The following SDK1 variants were observed in gnomAD, a reference collection of about 807,000 sequenced individuals.
SDK1 encodes the protein protein sidekick-1.
A neutral mutation model predicts 245.5 loss-of-function variants in SDK1; 157 were observed. That is an observed-to-expected ratio of 0.64 (90% CI 0.56 to 0.73). The LOEUF (loss-of-function observed/expected upper bound fraction) is 0.73, where lower values mean the gene tolerates loss of function less well. Ranked by LOEUF, SDK1 falls within the 30% of genes least tolerant of loss-of-function variation. SDK1 has a pLI of 0.00. For missense variants in SDK1, 3,583 were observed against 3,002.3 expected (o/e 1.19, Z -4.52); for synonymous variants, 1,647 against 1,278.5 (o/e 1.29, Z -6.15).
chr7:3,547,619 C>T (rs914754088), intron 1 of SDK1, among the ~76,000 whole-genome samples: 1 of 152,216 alleles, frequency 6.6e-6, no homozygotes, highest in Non-Finnish European at 1.5e-5. Context: ...TTGGAAATCC[C>T]TGACCTAGTC....
intron 1 of SDK1, among the ~76,000 whole-genome samples, chr7:3,362,813 A>G (rs1780989102): frequency 6.6e-6 from 1 of 152,204 alleles, no homozygotes. Context: ...ATAGTTTTCC[A>G]TGCGTGTGTG....
intron 28 of SDK1, among the ~76,000 whole-genome samples, chr7:4,135,516 A>T (rs1779015351): frequency 6.6e-6 from 1 of 152,252 alleles, no homozygotes; most frequent in Non-Finnish European, 1.5e-5. Context: ...AGATGGCACG[A>T]ACCTTGGGGC....
chr7:3,992,065 A>G (rs937428389), intron 14 of SDK1, among the ~76,000 whole-genome samples: 1 of 152,162 alleles, frequency 6.6e-6, no homozygotes, highest in Non-Finnish European at 1.5e-5. Flanking sequence ...TACTTGGGAG[A>G]CACTCCACAG....
At chr7:3,357,511 G>C (rs1780837041) in intron 1 of SDK1, among the ~76,000 whole-genome samples, 1 of 151,050 alleles carries the variant, frequency 6.6e-6, no homozygotes, top group African/African-American at 2.4e-5. Flanking sequence ...CACGATACCT[G>C]GCTTAATTTT....
chr7:3,465,596 A>C (rs1780974552), intron 1 of SDK1, among the ~76,000 whole-genome samples: 2 of 152,186 alleles, frequency 1.3e-5, no homozygotes, highest in South Asian at 4.2e-4. Context: ...GGTGGGATCA[A>C]GTCCCCTGTG....
At position 3,912,727 on chromosome 7, in the gene SDK1, C is replaced by T. The variant is rs182071902; in HGVS notation, c.848-38196C>T. ...CATTCTCCTCTGGCAGAGACCGGCA[C>T]GGTCTGGCCCGTGGGGGCTCAAGAC... is the stretch of plus-strand genomic sequence containing the variant. On this transcript the variant is annotated intron_variant, in intron 5 of 44. Coordinates refer to ENST00000404826, the MANE Select transcript of SDK1 (RefSeq NM_152744.4). Among the ~76,000 whole-genome samples, 14 of 152,340 alleles carry T rather than the reference C, an allele frequency of 9.2e-5. 1 individual carries two copies. The highest frequency in any genetic ancestry group is 3.4e-3 in the Middle Eastern group (1 of 294).
intron 29 of SDK1, 136 bp downstream of exon 29, chr7:4,146,052 C>T (rs531838228): frequency 4.1e-6 from 3 of 738,920 alleles, no homozygotes; most frequent in Admixed American, 3.0e-5. Context: ...TGAGCATTTA[C>T]AAAGCACCCA....
At chr7:3,582,562 G>C (rs1402904318) in intron 1 of SDK1, among the ~76,000 whole-genome samples, 2 of 151,142 alleles carry the variant, frequency 1.3e-5, no homozygotes, top group Non-Finnish European at 2.9e-5. Context: ...GAAATGATAA[G>C]AAAATTAACT....
At chr7:3,570,271 ATTAG>A (rs1323286487) in intron 1 of SDK1, among the ~76,000 whole-genome samples, 1 of 152,182 alleles carries the variant, frequency 6.6e-6, no homozygotes, top group East Asian at 1.9e-4. Flanking sequence ...ATCATCAGGC[ATTAG>A]TTAGATTCTC....
At chr7:3,907,432 G>A (rs548310521) in intron 5 of SDK1, among the ~76,000 whole-genome samples, 94 of 152,246 alleles carry the variant, frequency 6.2e-4, no homozygotes, top group African/African-American at 2.2e-3. Flanking sequence ...CTACATTGTA[G>A]CATGTGTCAA....
chr7:3,330,029 C>G (rs924393615), intron 1 of SDK1, among the ~76,000 whole-genome samples: 2 of 152,164 alleles, frequency 1.3e-5, no homozygotes, highest in African/African-American at 4.8e-5. Context: ...GATGTCTATA[C>G]TTCATTCCTT....
At chr7:3,514,895 T>C (rs572820331) in intron 1 of SDK1, among the ~76,000 whole-genome samples, 12 of 152,306 alleles carry the variant, frequency 7.9e-5, no homozygotes, top group South Asian at 2.1e-4. Context: ...CTCTCTCTCT[T>C]TCTCTCTTTC....
At chr7:4,133,570 C>G (rs115854363) in intron 28 of SDK1, among the ~76,000 whole-genome samples, 1,979 of 152,256 alleles carry the variant, frequency 0.013, 33 homozygotes, top group African/African-American at 0.045. Context: ...TAGGTGGCTT[C>G]TAAAGCCTTG....
chr7:3,901,186 T>C (rs1333568878), intron 5 of SDK1, among the ~76,000 whole-genome samples: 2 of 152,076 alleles, frequency 1.3e-5, no homozygotes, highest in East Asian at 1.9e-4. Context: ...GTCTTTTTTT[T>C]TCTTTTTTCT....
intron 1 of SDK1, among the ~76,000 whole-genome samples, chr7:3,357,494 T>G (rs1207112428): frequency 2.0e-5 from 3 of 151,442 alleles, no homozygotes; most frequent in Non-Finnish European, 2.9e-5. Flanking sequence ...GGGTTTCAGG[T>G]GCATGCCACG....
chr7:3,972,339 A>T (rs750432322), intron 12 of SDK1, among the ~76,000 whole-genome samples: 1 of 152,112 alleles, frequency 6.6e-6, no homozygotes, highest in Non-Finnish European at 1.5e-5. Flanking sequence ...TCGGCCTCCC[A>T]AAGTGCTGGG....
chr7:3,322,896 A>G (rs544092342), intron 1 of SDK1, among the ~76,000 whole-genome samples: 3 of 151,880 alleles, frequency 2.0e-5, no homozygotes, highest in East Asian at 3.9e-4. Context: ...TACAGCGTCT[A>G]CCTCCCAGGT....
At position 4,267,497 on chromosome 7, in the gene SDK1, G is replaced by T; in HGVS notation, c.*2113G>T. On this transcript the variant is annotated 3_prime_UTR_variant, in exon 45 of 45. Coordinates refer to ENST00000404826, the MANE Select transcript of SDK1 (RefSeq NM_152744.4). ...GGACAGTGCCACCTCCTTCCCCTCGGCCCCGGAGAGGGCGAAGTGGGCGGG... is the reference window on the plus strand; with the variant it reads ...GGACAGTGCCACCTCCTTCCCCTCGTCCCCGGAGAGGGCGAAGTGGGCGGG... The T allele has an allele frequency of 2.0e-6, 2 of 985,418 alleles. No individual in the cohort carries two copies. Among genetic ancestry groups the T allele is most frequent in the African/African-American group, 3.5e-5 (2 of 57,350 alleles). The allele number at this position is 985,418 out of a possible 1,614,324, so 61.0% of individuals were successfully genotyped here. A position where few individuals can be genotyped will look rare whatever the true frequency, so the allele number is the denominator to read the frequency against.
At chr7:3,844,974 C>T (rs563773116) in intron 5 of SDK1, among the ~76,000 whole-genome samples, 3 of 152,248 alleles carry the variant, frequency 2.0e-5, no homozygotes, top group East Asian at 1.9e-4. Flanking sequence ...TTCATCAGAA[C>T]ATCTGTCATC....
Sources: gnomAD v4.1 joint callset for allele counts (sites outside exome capture counted in the v4.1 genomes callset) on GRCh38, gnomAD v4.1.1 for gene constraint, MANE v1.5 for transcripts, NCBI Gene and HGNC (gene_info 2026-07-23, HGNC 2026-07-21) for gene names.